The following OGN variants were observed in gnomAD, a reference collection of about 807,000 sequenced individuals.
OGN encodes osteoglycin, also known as mimecan.
OGN carries 19 observed loss-of-function variants against 30.8 expected under a neutral mutation model. That is an observed-to-expected ratio of 0.62 (90% confidence interval 0.43 to 0.90). The LOEUF is 0.90. OGN is among the 40% of genes least tolerant of loss of function. OGN has a pLI of 0.00. For synonymous variants in OGN, 126 were observed against 128.3 expected, an observed-to-expected ratio of 0.98 and a Z score of 0.12; for missense variants, 283 against 349.7, an observed-to-expected ratio of 0.81 and a Z score of 1.52.
intron 1 of OGN, among the ~76,000 whole-genome samples, chr9:92,404,202 A>G (rs1351433837): frequency 6.6e-6 from 1 of 152,156 alleles, no homozygotes; most frequent in Non-Finnish European, 1.5e-5. Context: ...TTTCTTAAGT[A>G]ACTTCAAACA....
At chr9:92,399,675 G>T (rs72752453) in intron 3 of OGN, among the ~76,000 whole-genome samples, 4,673 of 152,148 alleles carry the variant, frequency 0.031, 111 homozygotes, top group South Asian at 0.084. Context: ...TCTATTTGGA[G>T]TTTATTTTTT....
At position 92,385,239 on chromosome 9, in the gene OGN, G is replaced by A. The variant is rs1454019443; in HGVS notation, c.*381C>T. 2 of 159,294 alleles carry A rather than the reference G, an allele frequency of 1.3e-5. No individual in the cohort carries two copies. Among genetic ancestry groups the A allele is most frequent in the African/African-American group, 4.8e-5 (2 of 41,576 alleles). 9.9% of individuals were successfully genotyped at this position (159,294 alleles called of 1,614,324 possible). On this transcript the variant is annotated 3_prime_UTR_variant, in exon 7 of 7. Coordinates refer to ENST00000375561, the MANE Select transcript of OGN (RefSeq NM_014057.5). The stretch of plus-strand genomic sequence containing the variant: ...GAACATGTACCTTAAATGCTTTTGG[G>A]ATCCAGTAAAGGCCAGGAAAGGCAA...
intron 2 of OGN, among the ~76,000 whole-genome samples, chr9:92,403,011 G>A (rs906022629): frequency 7.9e-5 from 12 of 151,874 alleles, no homozygotes; most frequent in African/African-American, 2.7e-4. Context: ...TTATTTTTTG[G>A]TTACTATAGA....
intron 3 of OGN, among the ~76,000 whole-genome samples, chr9:92,399,765 C>A (rs1588099295): frequency 6.6e-6 from 1 of 152,102 alleles, no homozygotes; most frequent in Non-Finnish European, 1.5e-5. Flanking sequence ...ACCATTTTTG[C>A]TTCAGTGATT....
intron 3 of OGN, among the ~76,000 whole-genome samples, chr9:92,399,986 A>G (rs1843042193): frequency 6.6e-6 from 1 of 152,120 alleles, no homozygotes; most frequent in Admixed American, 6.5e-5. Context: ...TATTTGTTAC[A>G]TGTTGTTCCA....
upstream of OGN, chr9:92,404,621 C>A (rs1843250675): frequency 7.8e-7 from 1 of 1,282,214 alleles, no homozygotes; most frequent in Non-Finnish European, 1.0e-6. Flanking sequence ...AGTAAAATTT[C>A]AGGGCCCAGC....
intron 5 of OGN, among the ~76,000 whole-genome samples, chr9:92,387,118 A>T (rs565848004): frequency 6.6e-6 from 1 of 151,624 alleles, no homozygotes; most frequent in Non-Finnish European, 1.5e-5. Context: ...CACGCCTGTA[A>T]TCCCAGTACT....
chr9:92,390,740 T>C (rs867936124), intron 4 of OGN, among the ~76,000 whole-genome samples: 1 of 152,254 alleles, frequency 6.6e-6, no homozygotes, highest in African/African-American at 2.4e-5. Flanking sequence ...TACAGGGTTA[T>C]GTTCCTGTGA....
chr9:92,401,146 G>A lies in OGN; in HGVS notation c.214C>T (p.Gln72Ter), dbSNP rs1477067363. The A allele has an allele frequency of 1.9e-6, 3 of 1,559,168 alleles. No homozygotes were observed. The highest frequency in any genetic ancestry group is 3.4e-5 in the Admixed American group (2 of 59,476). The part of the protein sequence containing the change: ...TVIIPNEKSL[Q>*]LQKDEAITPL... ...GTTATTGCCTCATCTTTTTGTAATT[G>A]AAGACTTTTCTCATTGGGTATTATC... The change falls in exon 3 of 7, where the codon CAA becomes TAA. Residue 72 changes from glutamine to a stop codon, truncating the protein, a stop_gained. Coordinates refer to ENST00000375561, the MANE Select transcript of OGN (RefSeq NM_014057.5). LOFTEE classifies it high-confidence loss of function.
rs1842416354 is a variant in OGN at position 92,386,253 on chromosome 9, A to G, written c.674T>C (p.Leu225Pro). ...LTFLYLDHNA[L>P]ESVPLNLPES... ...TGGTAAATTAAGAGGCACGGATTCC[A>G]GGGCATTATGGTCCAAGTAGAGGAA... The change falls in exon 6 of 7, where the codon CTG (leucine) becomes CCG (proline). Residue 225 changes from leucine to proline, a missense_variant. Coordinates refer to ENST00000375561, the MANE Select transcript of OGN (RefSeq NM_014057.5). 6.2e-7 allele frequency: 1 copy of G among 1,613,696 alleles called. No individual in the cohort carries two copies. The highest frequency in any genetic ancestry group is 1.7e-5 in the Admixed American group (1 of 60,022).
At chr9:92,389,816 C>T in intron 5 of OGN, 38 bp downstream of exon 5, 2 of 1,344,188 alleles carry the variant, frequency 1.5e-6, no homozygotes, top group Non-Finnish European at 2.1e-6. Flanking sequence ...ATCATATCAT[C>T]ACTCATACTA....
chr9:92,400,167 T>C (rs1843050144), intron 3 of OGN, among the ~76,000 whole-genome samples: 2 of 152,228 alleles, frequency 1.3e-5, no homozygotes, highest in East Asian at 1.9e-4. Flanking sequence ...TTTGTTTTTT[T>C]TGAGACAGAG....
At chr9:92,400,455 G>A (rs1434530947) in intron 3 of OGN, among the ~76,000 whole-genome samples, 1 of 152,170 alleles carries the variant, frequency 6.6e-6, no homozygotes, top group Non-Finnish European at 1.5e-5. Context: ...AGCCTGGGAT[G>A]TCTTTAAATT....
intron 4 of OGN, among the ~76,000 whole-genome samples, chr9:92,390,759 C>T (rs925557726): frequency 6.6e-6 from 1 of 152,176 alleles, no homozygotes; most frequent in South Asian, 2.1e-4. Context: ...GAGCCTCTGG[C>T]CACACATTTC....
intron 3 of OGN, among the ~76,000 whole-genome samples, chr9:92,393,782 A>G (rs956293656): frequency 6.6e-6 from 1 of 152,096 alleles, no homozygotes; most frequent in Admixed American, 6.6e-5. Flanking sequence ...TGAAAAGTGT[A>G]GAGCTTTTTT....
intron 6 of OGN, 106 bp from the exon 7 acceptor site, chr9:92,385,896 C>A: frequency 1.0e-6 from 1 of 971,208 alleles, no homozygotes; most frequent in South Asian, 1.5e-5. Flanking sequence ...TGCCCCCTCA[C>A]TTCAAATCCT....
chr9:92,390,013 A>G lies in OGN; in HGVS notation c.471T>C (p.Asp157=). The G allele has an allele frequency of 6.2e-7, 1 of 1,607,766 alleles. No individual in the cohort carries two copies. Among genetic ancestry groups the G allele is most frequent in the Non-Finnish European group, 8.5e-7 (1 of 1,175,518 alleles). The change falls in exon 5 of 7, where the codon GAT becomes GAC. Residue 157 remains aspartate, a synonymous_variant. Coordinates refer to ENST00000375561, the MANE Select transcript of OGN (RefSeq NM_014057.5). ...RLDFTGNLIE[D]IEDGTFSKLS... ...GTTTTGAAAAAGTACCATCTTCTATATCTTCTATCAAATTTCCTGTAAAAT... is the reference window on the plus strand; with the variant it reads ...GTTTTGAAAAAGTACCATCTTCTATGTCTTCTATCAAATTTCCTGTAAAAT...
In OGN at chr9:92,383,848, A is replaced by G. The variant is rs1440866904; in HGVS notation, c.*1772T>C. 1.3e-5 allele frequency: 2 copies of G among 152,280 alleles called. No individual in the cohort carries two copies. Among genetic ancestry groups the G allele is most frequent in the East Asian group, 3.9e-4 (2 of 5,186 alleles). The allele number at this position is 152,280 out of a possible 1,614,324, so 9.4% of individuals were successfully genotyped here. A position where few individuals can be genotyped will look rare whatever the true frequency, so the allele number is the denominator to read the frequency against. Reference sequence around the variant, plus strand: ...GAGTTATTTGATGGTGTTTTGCTCCATAAGTTTTATCATAAAAATAATATA... The same window carrying G: ...GAGTTATTTGATGGTGTTTTGCTCCGTAAGTTTTATCATAAAAATAATATA... On this transcript the variant is annotated 3_prime_UTR_variant, in exon 7 of 7. Coordinates refer to ENST00000375561, the MANE Select transcript of OGN (RefSeq NM_014057.5).
chr9:92,395,478 T>C (rs1842857534), intron 3 of OGN, among the ~76,000 whole-genome samples: 1 of 152,234 alleles, frequency 6.6e-6, no homozygotes, highest in South Asian at 2.1e-4. Flanking sequence ...GAAATTTATG[T>C]GTAAGTTTGT....
Sources: allele counts gnomAD v4.1 joint callset (sites outside exome capture counted in the v4.1 genomes callset), GRCh38; gene constraint gnomAD v4.1.1; transcripts MANE v1.5; gene names NCBI Gene and HGNC (gene_info 2026-07-23, HGNC 2026-07-21).